Variants in UGT2B7 observed in about 807,000 individuals in gnomAD.
The protein encoded by UGT2B7 is UDP-glucuronosyltransferase 2B7.
A neutral mutation model predicts 51.9 loss-of-function variants in UGT2B7; 51 were observed. That is an observed-to-expected ratio of 0.98 (90% CI 0.78 to 1.24). UGT2B7 has a LOEUF of 1.24. Among genes scored for constraint, UGT2B7 ranks in the 50% most tolerant of loss-of-function variants. The pLI is 0.00. For missense variants in UGT2B7, 727 were observed against 628.4 expected (o/e 1.16, Z -1.68); for synonymous variants, 225 against 211.6 (o/e 1.06, Z -0.55).
rs1201754633 is a variant in UGT2B7, at chr4:69,112,850, G to GA, written c.*123dup. 2.0e-4 allele frequency: 193 copies of GA among 974,056 alleles called. No homozygotes were observed. The highest frequency in any genetic ancestry group is 5.5e-4 in the Middle Eastern group (2 of 3,666). 60.3% of individuals were successfully genotyped at this position (974,056 alleles called of 1,614,324 possible). ...TCTTCCTGAGACAAAAAAAAAAAAA[G>GA]AAAAAAAAATCTTTTCAAAATTTAC... On this transcript the variant is annotated 3_prime_UTR_variant, in exon 6 of 6. Coordinates refer to ENST00000305231, the MANE Select transcript of UGT2B7 (RefSeq NM_001074.4).
rs747704916 is a variant in UGT2B7, at chr4:69,097,019, C to T, written c.499C>T (p.Pro167Ser). The T allele has an allele frequency of 3.1e-6, 5 of 1,613,774 alleles. No individual in the cohort carries two copies. Among genetic ancestry groups the T allele is most frequent in the East Asian group, 4.5e-5 (2 of 44,852 alleles). Residue 167 changes from proline to serine, a missense_variant, in exon 1 of 6, where the codon CCC (proline) becomes TCC (serine). Transcript: ENST00000305231. Reference sequence around the variant, plus strand: ...GCTGCTGGCTGAGCTATTTAACATACCCTTTGTGTACAGTCTCAGCTTCTC... The same window carrying T: ...GCTGCTGGCTGAGCTATTTAACATATCCTTTGTGTACAGTCTCAGCTTCTC... The part of the protein sequence containing the change: ...SELLAELFNI[P>S]FVYSLSFSPG...
upstream of UGT2B7, among the ~76,000 whole-genome samples, chr4:69,092,768 A>G (rs1033386407): frequency 1.3e-4 from 20 of 152,056 alleles, no homozygotes; most frequent in Non-Finnish European, 2.9e-5. Flanking sequence ...ATCTATGTAA[A>G]TATAAATAAT....
chr4:69,062,420 G>C (rs748236451), intron 1 of UGT2B7, among the ~76,000 whole-genome samples: 13 of 152,188 alleles, frequency 8.5e-5, no homozygotes, highest in African/African-American at 1.4e-4. Context: ...TATAAGTCTG[G>C]CAGACCCAGT....
At chr4:69,071,994 C>A (rs546437844) in intron 1 of UGT2B7, among the ~76,000 whole-genome samples, 151 of 152,112 alleles carry the variant, frequency 9.9e-4, no homozygotes, top group African/African-American at 3.3e-3. Flanking sequence ...CTTTGCAATT[C>A]ATAGACCATA....
intron 3 of UGT2B7, among the ~76,000 whole-genome samples, chr4:69,105,445 A>G (rs1156690319): frequency 6.6e-6 from 1 of 152,206 alleles, no homozygotes; most frequent in East Asian, 1.9e-4. Context: ...ATTATTGTTT[A>G]GTTTATGAGG....
intron 5 of UGT2B7, among the ~76,000 whole-genome samples, chr4:69,110,457 C>A (rs1295465945): frequency 2.8e-5 from 3 of 106,562 alleles, no homozygotes; most frequent in Admixed American, 2.1e-4. Context: ...ATAAATAAAT[C>A]TAATACCATA....
chr4:69,111,332 C>G (rs1343463487), intron 5 of UGT2B7, among the ~76,000 whole-genome samples: 1 of 152,142 alleles, frequency 6.6e-6, no homozygotes, highest in Non-Finnish European at 1.5e-5. Flanking sequence ...GTGCTTTAAA[C>G]TGACTTTAAT....
intron 5 of UGT2B7, among the ~76,000 whole-genome samples, chr4:69,111,594 G>A (rs369784209): frequency 6.6e-6 from 1 of 152,056 alleles, no homozygotes; most frequent in African/African-American, 2.4e-5. Context: ...ATAATACAAA[G>A]GATAAATGCA....
chr4:69,096,976 T>C lies in UGT2B7; in HGVS notation c.456T>C (p.Ala152=). 2 of 1,613,720 alleles carry C rather than the reference T, an allele frequency of 1.2e-6. No individual in the cohort carries two copies. ...GATTTGACGTCATTTTTGCAGATGCTATTTTTCCCTGTAGTGAGCTGCTGG... is the reference window on the plus strand; with the variant it reads ...GATTTGACGTCATTTTTGCAGATGCCATTTTTCCCTGTAGTGAGCTGCTGG... ...ESRFDVIFAD[A]IFPCSELLAE... is the part of the protein sequence containing the mutation. The change falls in exon 1 of 6, where the codon GCT becomes GCC. Residue 152 remains alanine, a synonymous_variant. Transcript: ENST00000305231.
Position 69,112,474 on chromosome 4 carries a change from T to G in UGT2B7, c.1328T>G (p.Met443Arg), listed in dbSNP as rs1349725760. 2 of 1,613,588 alleles carry G rather than the reference T, an allele frequency of 1.2e-6. No homozygotes were observed. The highest frequency in any genetic ancestry group is 1.3e-5 in the African/African-American group (1 of 74,874). ...INDPSYKENV[M>R]KLSRIQHDQP... ...TCTTTCAGATATAAAGAGAATGTTA[T>G]GAAATTATCAAGAATTCAACATGAT... Residue 443 changes from methionine (M) to arginine (R), a missense_variant, in exon 6 of 6, where the codon ATG becomes AGG. Coordinates refer to ENST00000305231, the MANE Select transcript of UGT2B7 (RefSeq NM_001074.4).
intron 1 of UGT2B7, among the ~76,000 whole-genome samples, chr4:69,059,937 C>T (rs536732693): frequency 5.3e-5 from 8 of 152,180 alleles, no homozygotes; most frequent in Non-Finnish European, 1.0e-4. Context: ...TACATTTTTC[C>T]GTCTCTGGCT....
chr4:69,056,825 G>A (rs543010050), intron 1 of UGT2B7, among the ~76,000 whole-genome samples: 7 of 152,176 alleles, frequency 4.6e-5, no homozygotes, highest in East Asian at 1.9e-4. Flanking sequence ...GAGAACTCCC[G>A]CTAATAAAAA....
At chr4:69,075,259 G>A (rs1252285154) in intron 1 of UGT2B7, among the ~76,000 whole-genome samples, 2 of 152,146 alleles carry the variant, frequency 1.3e-5, no homozygotes, top group Non-Finnish European at 2.9e-5. Context: ...GGCAAGGCTT[G>A]TGGCTTGCTT....
chr4:69,103,618 T>C (rs1157050840), intron 3 of UGT2B7, among the ~76,000 whole-genome samples: 1 of 152,196 alleles, frequency 6.6e-6, no homozygotes, highest in Admixed American at 6.5e-5. Flanking sequence ...CAGAACTGTG[T>C]CCTTTTAGAA....
chr4:69,097,128 A>C lies in UGT2B7; in HGVS notation c.608A>C (p.Asp203Ala), dbSNP rs879036094. ...YVPVVMSELT[D>A]QMTFMERVKN... is the part of the protein sequence containing the mutation. ...CCTGTTGTTATGTCAGAATTAACTG[A>C]TCAAATGACTTTCATGGAGAGGGTA... Residue 203 changes from aspartate to alanine, a missense_variant, in exon 1 of 6, where the codon GAT becomes GCT. Asp to Ala is a moderately radical substitution (Grantham distance 126). Transcript: ENST00000305231. 5 of 1,613,662 alleles carry C rather than the reference A, an allele frequency of 3.1e-6. No homozygotes were observed.
Position 69,097,009 on chromosome 4 carries a change from A to G in UGT2B7, c.489A>G (p.Leu163=), listed in dbSNP as rs202168877. The change falls in exon 1 of 6, where the codon CTA becomes CTG. Residue 163 remains leucine (L), a synonymous_variant. Transcript: ENST00000305231. ...IFPCSELLAE[L]FNIPFVYSLS... The stretch of plus-strand genomic sequence containing the variant: ...CCTGTAGTGAGCTGCTGGCTGAGCT[A>G]TTTAACATACCCTTTGTGTACAGTC... 6.2e-7 allele frequency: 1 copy of G among 1,613,838 alleles called. No individual in the cohort carries two copies. The highest frequency in any genetic ancestry group is 1.3e-5 in the African/African-American group (1 of 75,024).
At position 69,097,061 on chromosome 4, in the gene UGT2B7, G is replaced by A; in HGVS notation, c.541G>A (p.Glu181Lys). ...CAGCTTCTCTCCTGGCTACACTTTT[G>A]AAAAGCATAGTGGAGGATTTATTTT... ...SLSFSPGYTF[E>K]KHSGGFIFPP... The change falls in exon 1 of 6, where the codon GAA (glutamate) becomes AAA (lysine). Residue 181 changes from glutamate to lysine, a missense_variant. Glu to Lys is a moderately conservative substitution (Grantham distance 56, BLOSUM62 1). Transcript: ENST00000305231. 3 of 1,613,708 alleles carry A rather than the reference G, an allele frequency of 1.9e-6. No individual in the cohort carries two copies. Among genetic ancestry groups the A allele is most frequent in the Non-Finnish European group, 2.5e-6 (3 of 1,179,756 alleles).
At chr4:69,098,765 G>A in intron 2 of UGT2B7, 77 bp downstream of exon 2, 1 of 1,581,448 alleles carries the variant, frequency 6.3e-7, no homozygotes, top group African/African-American at 1.4e-5. Flanking sequence ...TTCTTTCAGA[G>A]TGTTTGACTT....
intron 3 of UGT2B7, among the ~76,000 whole-genome samples, chr4:69,106,701 T>C (rs549502930): frequency 1.8e-3 from 281 of 152,212 alleles, no homozygotes; most frequent in Non-Finnish European, 3.4e-3. Flanking sequence ...TGAACAAACT[T>C]ACATTCCCAC....
Sources: allele counts gnomAD v4.1 joint callset (sites outside exome capture counted in the v4.1 genomes callset), GRCh38; gene constraint gnomAD v4.1.1; transcripts MANE v1.5; gene names NCBI Gene and HGNC (gene_info 2026-07-23, HGNC 2026-07-21).